The following CHST9 variants were observed in gnomAD, a reference collection of about 807,000 sequenced individuals.
The protein encoded by CHST9 is GalNAc-4-sulfotransferase 2.
CHST9 carries 41 observed loss-of-function variants against 44.4 expected under a neutral mutation model. The ratio of observed to expected loss-of-function variants is 0.92; its 90% CI spans 0.72 to 1.20. The LOEUF (loss-of-function observed/expected upper bound fraction) is 1.20, where lower values mean the gene tolerates loss of function less well. Ranked by LOEUF, CHST9 falls within the 50% of genes most tolerant of loss-of-function variation. The pLI is 0.00. For missense variants in CHST9, 504 were observed against 516.5 expected (o/e 0.98, Z 0.23); for synonymous variants, 171 against 178.4 (o/e 0.96, Z 0.33).
intron 2 of CHST9, among the ~76,000 whole-genome samples, chr18:27,049,716 A>G (rs2057543414): frequency 6.6e-6 from 1 of 152,176 alleles, no homozygotes; most frequent in Admixed American, 6.5e-5. Flanking sequence ...TCATCTGTGC[A>G]CAGAACATTC....
intron 2 of CHST9, among the ~76,000 whole-genome samples, chr18:27,091,787 G>A (rs900250277): frequency 6.6e-6 from 1 of 152,158 alleles, no homozygotes; most frequent in South Asian, 2.1e-4. Context: ...TGCATTCCAG[G>A]GATGAAGCCA....
At chr18:27,172,434 T>C (rs931049639) in intron 1 of CHST9, among the ~76,000 whole-genome samples, 2 of 152,000 alleles carry the variant, frequency 1.3e-5, no homozygotes, top group African/African-American at 4.8e-5. Context: ...ATGAGTAGCA[T>C]GGGAGTGGGA....
At chr18:26,959,745 G>A (rs1438757679) in intron 4 of CHST9, among the ~76,000 whole-genome samples, 4 of 152,162 alleles carry the variant, frequency 2.6e-5, no homozygotes, top group South Asian at 2.1e-4. Flanking sequence ...CCAGTATCAC[G>A]GAGGACTCTA....
intron 4 of CHST9, among the ~76,000 whole-genome samples, chr18:26,997,725 A>G (rs2056902434): frequency 6.6e-6 from 1 of 152,214 alleles, no homozygotes; most frequent in African/African-American, 2.4e-5. Context: ...TTCCCTTTAT[A>G]ATAGCACATA....
intron 4 of CHST9, among the ~76,000 whole-genome samples, chr18:27,010,661 T>C (rs1277353486): frequency 6.6e-6 from 1 of 152,190 alleles, no homozygotes; most frequent in Non-Finnish European, 1.5e-5. Flanking sequence ...GATCTGAGGA[T>C]TGAACGAGAG....
At chr18:27,174,713 C>T (rs1292626007) in intron 1 of CHST9, among the ~76,000 whole-genome samples, 1 of 151,990 alleles carries the variant, frequency 6.6e-6, no homozygotes, top group African/African-American at 2.4e-5. Context: ...TGAAACACAG[C>T]CTTTCCTTCT....
chr18:27,151,906 G>A (rs559372568), intron 1 of CHST9, among the ~76,000 whole-genome samples: 2 of 152,282 alleles, frequency 1.3e-5, no homozygotes, highest in Non-Finnish European at 2.9e-5. Context: ...GTGATAATCT[G>A]TTATAGCAGC....
At chr18:27,081,395 G>A (rs2057959644) in intron 2 of CHST9, among the ~76,000 whole-genome samples, 1 of 152,084 alleles carries the variant, frequency 6.6e-6, no homozygotes, top group Admixed American at 6.6e-5. Flanking sequence ...ATCAGACGAA[G>A]GCTGCAGCAG....
chr18:27,158,081 G>A lies in CHST9; in HGVS notation c.-96-15176C>T, dbSNP rs192080141. On this transcript the variant is annotated intron_variant, in intron 1 of 5. Coordinates refer to ENST00000618847, the MANE Select transcript of CHST9 (RefSeq NM_031422.6). ...AGGGAAGGGAGAATTTTACAAGAGAGACATCACAAAGTTTTTTTGTTTTTT... is the reference window on the plus strand; with the variant it reads ...AGGGAAGGGAGAATTTTACAAGAGAAACATCACAAAGTTTTTTTGTTTTTT... Among the ~76,000 whole-genome samples the A allele has an allele frequency of 9.1e-3, 1,378 of 152,150 alleles. 81 individuals are homozygous for A. The highest frequency in any genetic ancestry group is 0.082 in the Admixed American group (1,255 of 15,272).
chr18:26,944,480 A>G (rs2056132857), intron 4 of CHST9, 114 bp from the exon 5 acceptor site: 3 of 724,960 alleles, frequency 4.1e-6, no homozygotes, highest in Non-Finnish European at 7.1e-6. Flanking sequence ...GGACTCTCTG[A>G]GCAAGGATTT....
intron 2 of CHST9, among the ~76,000 whole-genome samples, chr18:27,113,775 T>C (rs1000969281): frequency 2.6e-5 from 4 of 152,176 alleles, no homozygotes; most frequent in Admixed American, 2.6e-4. Context: ...CAGTTTACGG[T>C]ATTTTGTTGT....
chr18:27,085,086 G>C (rs1309989096), intron 2 of CHST9, among the ~76,000 whole-genome samples: 2 of 152,110 alleles, frequency 1.3e-5, no homozygotes, highest in Non-Finnish European at 1.5e-5. Flanking sequence ...TAGAGTATAT[G>C]CCATGTGCAG....
intron 2 of CHST9, among the ~76,000 whole-genome samples, chr18:27,110,855 C>A (rs2058265018): frequency 6.6e-6 from 1 of 152,190 alleles, no homozygotes; most frequent in Non-Finnish European, 1.5e-5. Context: ...GCATCAGTAT[C>A]ACCTGGGAAC....
At chr18:27,154,484 G>A (rs993826435) in intron 1 of CHST9, among the ~76,000 whole-genome samples, 4 of 151,948 alleles carry the variant, frequency 2.6e-5, no homozygotes, top group Admixed American at 2.0e-4. Flanking sequence ...ACAAGGGAGT[G>A]GAATGATCAG....
intron 4 of CHST9, among the ~76,000 whole-genome samples, chr18:26,970,985 C>G (rs2056535302): frequency 6.6e-6 from 1 of 152,184 alleles, no homozygotes; most frequent in Non-Finnish European, 1.5e-5. Context: ...GTCCTCAAGG[C>G]CCAGCTCAGG....
intron 2 of CHST9, among the ~76,000 whole-genome samples, chr18:27,083,583 T>C: frequency 6.6e-6 from 1 of 152,180 alleles, no homozygotes; most frequent in Middle Eastern, 3.2e-3. Context: ...ATTTGTCAAA[T>C]GACCAATTTG....
At chr18:27,132,760 G>A (rs1169679458) in intron 2 of CHST9, among the ~76,000 whole-genome samples, 1 of 152,156 alleles carries the variant, frequency 6.6e-6, no homozygotes, top group Non-Finnish European at 1.5e-5. Context: ...TGCTCACCGT[G>A]GGTAGGAAAG....
intron 2 of CHST9, among the ~76,000 whole-genome samples, chr18:27,078,457 T>C (rs987172429): frequency 6.6e-6 from 1 of 152,040 alleles, no homozygotes; most frequent in East Asian, 1.9e-4. Flanking sequence ...GGGAAGTATA[T>C]ACATGTGTAT....
chr18:26,971,106 T>C (rs1479263528), intron 4 of CHST9, among the ~76,000 whole-genome samples: 1 of 152,186 alleles, frequency 6.6e-6, no homozygotes, highest in Non-Finnish European at 1.5e-5. Context: ...GTGGAGCAGA[T>C]GATTCTGAGC....
Sources: gnomAD v4.1 joint callset for allele counts (sites outside exome capture counted in the v4.1 genomes callset) on GRCh38, gnomAD v4.1.1 for gene constraint, MANE v1.5 for transcripts, NCBI Gene and HGNC (gene_info 2026-07-23, HGNC 2026-07-21) for gene names.